Variants in E2F2 observed in about 807,000 individuals in gnomAD.
E2F2 encodes transcription factor E2F2.
In E2F2, 22 loss-of-function variants were observed where a neutral mutation model predicts 42.2. The ratio of observed to expected loss-of-function variants is 0.52; its 90% CI spans 0.37 to 0.74. The LOEUF (loss-of-function observed/expected upper bound fraction) is 0.74. Ranked by LOEUF, E2F2 falls within the 30% of genes least tolerant of loss-of-function variation. E2F2 has a pLI of 0.00. For missense variants in E2F2, 481 were observed against 557.8 expected, an observed-to-expected ratio of 0.86 and a Z score of 1.39; for synonymous variants, 248 against 251.6, an observed-to-expected ratio of 0.99 and a Z score of 0.13.
chr1:23,529,721 A>G (rs933633253), intron 1 of E2F2, among the ~76,000 whole-genome samples: 3 of 152,192 alleles, frequency 2.0e-5, no homozygotes, highest in Admixed American at 2.0e-4. Flanking sequence ...TTAGTGGCAG[A>G]GTCACACCAG....
At chr1:23,524,974 G>C (rs989990776) in intron 1 of E2F2, among the ~76,000 whole-genome samples, 1 of 152,212 alleles carries the variant, frequency 6.6e-6, no homozygotes, top group African/African-American at 2.4e-5. Flanking sequence ...GCGGGGCTGG[G>C]CATCCGCCCA....
At chr1:23,525,404 A>G (rs1457190092) in intron 1 of E2F2, among the ~76,000 whole-genome samples, 2 of 152,222 alleles carry the variant, frequency 1.3e-5, no homozygotes, top group African/African-American at 4.8e-5. Flanking sequence ...ACACTGGGAC[A>G]TAGGTCAGAG....
intron 3 of E2F2, 135 bp downstream of exon 3, chr1:23,521,702 C>T (rs1643152143): frequency 2.0e-6 from 3 of 1,468,774 alleles, no homozygotes; most frequent in East Asian, 2.5e-5. Context: ...GCTCTTGGTC[C>T]GCCTCAGCCC....
chr1:23,512,551 G>A (rs1004888903), intron 6 of E2F2, among the ~76,000 whole-genome samples: 6 of 152,148 alleles, frequency 3.9e-5, no homozygotes, highest in African/African-American at 9.7e-5. Flanking sequence ...AGACTCTAGC[G>A]CCTCCTCTCA....
downstream of E2F2, among the ~76,000 whole-genome samples, chr1:23,505,726 G>A (rs1036466858): frequency 1.3e-5 from 2 of 152,116 alleles, no homozygotes; most frequent in Middle Eastern, 3.4e-3. Context: ...TGTTAGCCAG[G>A]ATGATCTCAA....
At chr1:23,516,222 T>C (rs1423705769) in intron 6 of E2F2, 113 bp downstream of exon 6, 3 of 1,333,510 alleles carry the variant, frequency 2.2e-6, no homozygotes, top group Non-Finnish European at 2.9e-6. Context: ...GTAGGATGAC[T>C]ACATCCCCAG....
chr1:23,530,900 G>T lies in E2F2; in HGVS notation c.-107C>A. ...GGCCCGCGGCATGGCGCGGAGGCCG[G>T]GGGAAGCCGCCAATGGACGCCTGCG... On this transcript the variant is annotated 5_prime_UTR_variant, in exon 1 of 7. Coordinates refer to ENST00000361729, the MANE Select transcript of E2F2 (RefSeq NM_004091.4). This position sits in a 1 kb window ranked among gnomAD's most constrained non-coding sequence, Gnocchi z 4.4. 7.3e-7 allele frequency: 1 copy of T among 1,375,136 alleles called. No individual in the cohort carries two copies. The highest frequency in any genetic ancestry group is 1.6e-5 in the South Asian group (1 of 61,224). 85.2% of individuals were successfully genotyped at this position (1,375,136 alleles called of 1,614,324 possible). A position where few individuals can be genotyped will look rare whatever the true frequency, so the allele number is the denominator to read the frequency against.
Position 23,509,594 on chromosome 1 carries a change from C to T in E2F2, c.*286G>A, listed in dbSNP as rs1642867407. On this transcript the variant is annotated 3_prime_UTR_variant, in exon 7 of 7. Coordinates refer to ENST00000361729, the MANE Select transcript of E2F2 (RefSeq NM_004091.4). ...CAGGGCCTTTCCCTGGACTTGGCCACCTCACCTGCAGCCTTCTTGTGAGAG... is the reference window on the plus strand; with the variant it reads ...CAGGGCCTTTCCCTGGACTTGGCCATCTCACCTGCAGCCTTCTTGTGAGAG... 5.2e-6 allele frequency: 2 copies of T among 382,338 alleles called. No individual in the cohort carries two copies. The highest frequency in any genetic ancestry group is 4.1e-5 in the African/African-American group (2 of 48,362). The allele number at this position is 382,338 out of a possible 1,614,324, so 23.7% of individuals were successfully genotyped here. A position where few individuals can be genotyped will look rare whatever the true frequency, so the allele number is the denominator to read the frequency against.
At chr1:23,519,257 G>A in intron 4 of E2F2, 127 bp from the exon 5 acceptor site, 2 of 566,000 alleles carry the variant, frequency 3.5e-6, no homozygotes, top group South Asian at 5.0e-5. Flanking sequence ...GTACAACTTA[G>A]AAATAATACA....
At chr1:23,523,668 A>G (rs934164297) in intron 2 of E2F2, among the ~76,000 whole-genome samples, 2 of 152,202 alleles carry the variant, frequency 1.3e-5, no homozygotes, top group African/African-American at 4.8e-5. Flanking sequence ...CTTCTGATTT[A>G]GAAAAATTTA....
At position 23,530,394 on chromosome 1, in the gene E2F2, G is replaced by T; in HGVS notation, c.252+148C>A. The stretch of plus-strand genomic sequence containing the variant: ...TGAAGGGGTCTTCTACTCAGATATT[G>T]GGGGCACTGGGTCCTGGAAACTGAA... On this transcript the variant is annotated intron_variant, in intron 1 of 6. Coordinates refer to ENST00000361729, the MANE Select transcript of E2F2 (RefSeq NM_004091.4). This position sits in a 1 kb window ranked among gnomAD's most constrained non-coding sequence, Gnocchi z 4.4. The T allele has an allele frequency of 9.4e-7, 1 of 1,065,542 alleles. No individual in the cohort carries two copies. Among genetic ancestry groups the T allele is most frequent in the Non-Finnish European group, 1.3e-6 (1 of 758,858 alleles). 66.0% of individuals were successfully genotyped at this position (1,065,542 alleles called of 1,614,324 possible). A position where few individuals can be genotyped will look rare whatever the true frequency, so the allele number is the denominator to read the frequency against.
chr1:23,510,130 G>T lies in E2F2; in HGVS notation c.1064C>A (p.Thr355Asn). Residue 355 changes from threonine to asparagine, a missense_variant, in exon 7 of 7, where the codon ACC (threonine) becomes AAC (asparagine). By Grantham distance (65) the Thr-to-Asn change is moderately conservative (BLOSUM62 0). Coordinates refer to ENST00000361729, the MANE Select transcript of E2F2 (RefSeq NM_004091.4). ...TGGAGGCGGTGGGGCCTGCTGGGGG[G>T]TTGGCGCTGGTGCTGGCACTGGAGA... ...TASSVPAPAP[T>N]PQQAPPPPSL... The T allele has an allele frequency of 1.2e-6, 2 of 1,600,650 alleles. No individual in the cohort carries two copies. The highest frequency in any genetic ancestry group is 8.5e-7 in the Non-Finnish European group (1 of 1,174,280).
chr1:23,511,743 A>G (rs1173571030), intron 6 of E2F2, among the ~76,000 whole-genome samples: 1 of 152,236 alleles, frequency 6.6e-6, no homozygotes, highest in South Asian at 2.1e-4. Context: ...ACCCATAGGC[A>G]TGTGATTTCA....
chr1:23,517,020 G>A (rs1199530646), intron 5 of E2F2, among the ~76,000 whole-genome samples: 1 of 152,158 alleles, frequency 6.6e-6, no homozygotes, highest in African/African-American at 2.4e-5. Flanking sequence ...ACCACAAGGA[G>A]AGAGCCCACC....
intron 2 of E2F2, among the ~76,000 whole-genome samples, 178 bp downstream of exon 2, chr1:23,524,205 A>G (rs886266477): frequency 2.0e-5 from 3 of 152,204 alleles, no homozygotes; most frequent in Non-Finnish European, 4.4e-5. Context: ...CTGAGTCTCA[A>G]GTTGCCTGAT....
intron 5 of E2F2, 124 bp from the exon 6 acceptor site, chr1:23,516,651 T>C (rs1266539037): frequency 4.3e-6 from 3 of 699,256 alleles, no homozygotes; most frequent in Non-Finnish European, 6.8e-6. Flanking sequence ...GGGCTGGCAC[T>C]GAGACCAACT....
chr1:23,530,718 C>G lies in E2F2; in HGVS notation c.76G>C (p.Glu26Gln). ...CTGCTGAGGCCGGATGGCCACAGCT[C>G]TGTGGGGCTCATCGCGGGCACCACC... is the stretch of plus-strand genomic sequence containing the variant. ...PKVVPAMSPTELWPSGLSSPQ... is the reference protein window; with the variant it reads ...PKVVPAMSPTQLWPSGLSSPQ... Residue 26 changes from glutamate (E) to glutamine (Q), a missense_variant, in exon 1 of 7, where the codon GAG becomes CAG. By Grantham distance (29) the Glu-to-Gln change is conservative (BLOSUM62 2). Transcript: ENST00000361729. The surrounding 1 kb of genome is among the most constrained non-coding windows in gnomAD (Gnocchi z 4.4). 1 of 1,605,658 alleles carries G rather than the reference C, an allele frequency of 6.2e-7. No individual in the cohort carries two copies. Among genetic ancestry groups the G allele is most frequent in the Non-Finnish European group, 8.5e-7 (1 of 1,176,272 alleles).
At chr1:23,522,918 T>C (rs1643180324) in intron 2 of E2F2, among the ~76,000 whole-genome samples, 1 of 152,154 alleles carries the variant, frequency 6.6e-6, no homozygotes, top group African/African-American at 2.4e-5. Context: ...GGACCAGTTA[T>C]CATGAGCCTC....
chr1:23,514,236 C>T (rs372527284), intron 6 of E2F2, among the ~76,000 whole-genome samples: 42 of 152,178 alleles, frequency 2.8e-4, no homozygotes, highest in African/African-American at 9.6e-4. Context: ...GAGGGCTATG[C>T]GCATGCTGAC....
Sources: gnomAD v4.1 joint callset for allele counts (sites outside exome capture counted in the v4.1 genomes callset) on GRCh38, gnomAD v4.1.1 for gene constraint, Gnocchi (gnomAD v3.1) non-coding constraint, MANE v1.5 for transcripts, NCBI Gene and HGNC (gene_info 2026-07-23, HGNC 2026-07-21) for gene names.